Variants in DLG2 observed in about 807,000 individuals in gnomAD.
DLG2 encodes the protein discs large MAGUK scaffold protein 2, also known as disks large homolog 2.
DLG2 carries 45 observed loss-of-function variants against 132.5 expected under a neutral mutation model. The ratio of observed to expected loss-of-function variants is 0.34; its 90% CI spans 0.27 to 0.44. DLG2 has a LOEUF of 0.44. DLG2 is among the 20% of genes least tolerant of loss of function. The pLI is 1.00. For synonymous variants in DLG2, 424 were observed against 419.6 expected, an observed-to-expected ratio of 1.01 and a Z score of -0.13; for missense variants, 1,045 against 1,196.9, an observed-to-expected ratio of 0.87 and a Z score of 1.87.
At chr11:84,995,065 G>A (rs1461208690) in intron 6 of DLG2, among the ~76,000 whole-genome samples, 1 of 152,156 alleles carries the variant, frequency 6.6e-6, no homozygotes, top group Non-Finnish European at 1.5e-5. Context: ...GAGAAGAGGA[G>A]TGCAACCTTC....
chr11:84,870,912 A>G (rs926897875), intron 6 of DLG2, among the ~76,000 whole-genome samples: 1 of 152,228 alleles, frequency 6.6e-6, no homozygotes, highest in African/African-American at 2.4e-5. Context: ...GTGAACTAAC[A>G]TTTATTCAGA....
At chr11:85,471,007 C>G (rs2092968427) in intron 3 of DLG2, among the ~76,000 whole-genome samples, 1 of 152,210 alleles carries the variant, frequency 6.6e-6, no homozygotes, top group Non-Finnish European at 1.5e-5. Context: ...AGGACTCCTT[C>G]TTTTCTCTTC....
At chr11:83,700,263 G>C (rs1241161916) in intron 18 of DLG2, among the ~76,000 whole-genome samples, 1 of 152,074 alleles carries the variant, frequency 6.6e-6, no homozygotes, top group Non-Finnish European at 1.5e-5. Context: ...CTCTTTTTGA[G>C]AAAGAGTGGG....
chr11:83,753,063 T>G (rs533706585), intron 18 of DLG2, among the ~76,000 whole-genome samples: 6 of 152,206 alleles, frequency 3.9e-5, no homozygotes, highest in Non-Finnish European at 8.8e-5. Flanking sequence ...TAGTATTAAC[T>G]GAGACTCAGA....
At chr11:85,088,958 A>T (rs1478917105) in intron 6 of DLG2, among the ~76,000 whole-genome samples, 2 of 152,154 alleles carry the variant, frequency 1.3e-5, no homozygotes, top group Admixed American at 1.3e-4. Context: ...CTTACCATAA[A>T]ATAAGGGGTA....
chr11:84,714,606 TCTC>T lies in DLG2; in HGVS notation c.358-179878_358-179876del, dbSNP rs879770211. Reference sequence around the variant, plus strand: ...CTTTCTCTTTCTCTTTCTTTCTCTTTCTCTTTCTCTTTCTCTTTCTCTCTCTCT... The same window carrying T: ...CTTTCTCTTTCTCTTTCTTTCTCTTTTTTCTCTTTCTCTTTCTCTCTCTCT... On this transcript the variant is annotated intron_variant, in intron 6 of 27. Coordinates refer to ENST00000376104, the MANE Select transcript of DLG2 (RefSeq NM_001142699.3). Among the ~76,000 whole-genome samples the T allele has an allele frequency of 2.6e-3, 264 of 101,894 alleles. 5 individuals carry two copies. Among genetic ancestry groups the T allele is most frequent in the African/African-American group, 4.4e-3 (112 of 25,436 alleles). 66.8% of individuals were successfully genotyped at this position (101,894 alleles called of 152,430 possible).
chr11:84,080,037 A>G (rs911379931), intron 10 of DLG2, among the ~76,000 whole-genome samples: 2 of 152,140 alleles, frequency 1.3e-5, no homozygotes, highest in Non-Finnish European at 2.9e-5. Context: ...CTTTACATTC[A>G]TAGAACTCCT....
chr11:84,508,489 G>A (rs549709425), intron 7 of DLG2, among the ~76,000 whole-genome samples: 21 of 147,752 alleles, frequency 1.4e-4, no homozygotes, highest in African/African-American at 3.0e-4. Context: ...TGCAACCTCC[G>A]TCTCCCGGGT....
At chr11:85,449,230 T>A (rs1465449823) in intron 3 of DLG2, among the ~76,000 whole-genome samples, 1 of 152,130 alleles carries the variant, frequency 6.6e-6, no homozygotes, top group East Asian at 1.9e-4. Flanking sequence ...TCTGGAAATT[T>A]TTCATCCAGG....
At position 83,879,087 on chromosome 11, in the gene DLG2, G is replaced by A. The variant is rs143226204; in HGVS notation, c.1497-4599C>T. On this transcript the variant is annotated intron_variant, in intron 15 of 27. Transcript: ENST00000376104. ...CTGAAAGATGTATTCCCATTGCTGT[G>A]CTTAATTAAGAAATTTTTGAGCATC... Among the ~76,000 whole-genome samples the A allele has an allele frequency of 5.2e-3, 793 of 152,208 alleles. 3 individuals are homozygous for A. The highest frequency in any genetic ancestry group is 0.01 in the Middle Eastern group (3 of 294).
chr11:83,520,837 G>A (rs935369148), intron 21 of DLG2, among the ~76,000 whole-genome samples: 1 of 152,132 alleles, frequency 6.6e-6, no homozygotes, highest in African/African-American at 2.4e-5. Flanking sequence ...TCTTAATGAG[G>A]TAAGTTTAAC....
intron 4 of DLG2, among the ~76,000 whole-genome samples, chr11:85,196,348 T>G (rs55966246): frequency 0.01 from 1,566 of 152,346 alleles, 21 homozygotes; most frequent in African/African-American, 0.034. Flanking sequence ...TTCCTTTATT[T>G]AAATTCTCTA....
At chr11:85,509,440 A>G (rs1460808656) in intron 3 of DLG2, among the ~76,000 whole-genome samples, 1 of 152,050 alleles carries the variant, frequency 6.6e-6, no homozygotes, top group Non-Finnish European at 1.5e-5. Flanking sequence ...AGGCACATTG[A>G]CTAACCCGAA....
At chr11:85,581,278 T>G (rs1484995453) in intron 3 of DLG2, among the ~76,000 whole-genome samples, 1 of 152,132 alleles carries the variant, frequency 6.6e-6, no homozygotes, top group African/African-American at 2.4e-5. Context: ...TTAACTCCGC[T>G]CATACCTTTG....
rs138437076 is a variant in DLG2 at position 84,742,201 on chromosome 11, A to G, written c.358-207470T>C. Among the ~76,000 whole-genome samples, 352 of 152,330 alleles carry G rather than the reference A, an allele frequency of 2.3e-3. 3 individuals carry two copies. Among genetic ancestry groups the G allele is most frequent in the African/African-American group, 8.3e-3 (344 of 41,578 alleles). On this transcript the variant is annotated intron_variant, in intron 6 of 27. Coordinates refer to ENST00000376104, the MANE Select transcript of DLG2 (RefSeq NM_001142699.3). ...TTTACCTTCTTTGCATTCCAGAAGA[A>G]AAGGGAAGTGGTATAGACATTATAT...
intron 4 of DLG2, among the ~76,000 whole-genome samples, chr11:85,280,877 A>T (rs1170879641): frequency 6.6e-6 from 1 of 151,346 alleles, no homozygotes; most frequent in Non-Finnish European, 1.5e-5. Flanking sequence ...TAAAAAGGTC[A>T]TTTATTTTTT....
At chr11:83,499,852 G>C (rs10792685) in intron 21 of DLG2, among the ~76,000 whole-genome samples, 1 of 61,624 alleles carries the variant, frequency 1.6e-5, no homozygotes, top group Non-Finnish European at 3.3e-5. Context: ...ACTAATAGGA[G>C]ATATATATAT....
intron 6 of DLG2, among the ~76,000 whole-genome samples, chr11:84,557,659 C>T (rs72943769): frequency 6.6e-6 from 1 of 150,550 alleles, no homozygotes; most frequent in Non-Finnish European, 1.5e-5. Context: ...TCACAATGTA[C>T]CATTTTTTTT....
chr11:83,935,643 C>G (rs954006795), intron 14 of DLG2, among the ~76,000 whole-genome samples: 1 of 152,104 alleles, frequency 6.6e-6, no homozygotes, highest in Non-Finnish European at 1.5e-5. Context: ...AGAATTTCCA[C>G]GGGGGCAGTT....
Sources: gnomAD v4.1 joint callset for allele counts (sites outside exome capture counted in the v4.1 genomes callset) on GRCh38, gnomAD v4.1.1 for gene constraint, MANE v1.5 for transcripts, NCBI Gene and HGNC (gene_info 2026-07-23, HGNC 2026-07-21) for gene names.